Variants in DPP6 observed in about 807,000 individuals in gnomAD.
The protein encoded by DPP6 is dipeptidyl peptidase like 6.
A neutral mutation model predicts 122.6 loss-of-function variants in DPP6; 69 were observed. The ratio of observed to expected loss-of-function variants is 0.56; its 90% CI spans 0.46 to 0.69. The LOEUF (loss-of-function observed/expected upper bound fraction) is 0.69. Ranked by LOEUF, DPP6 falls within the 30% of genes least tolerant of loss-of-function variation. DPP6 has a pLI of 0.00. For missense variants in DPP6, 928 were observed against 1,116.9 expected (o/e 0.83, Z 2.41); for synonymous variants, 418 against 433.1 (o/e 0.97, Z 0.43).
At chr7:153,896,443 T>C (rs191766270) in intron 1 of DPP6, among the ~76,000 whole-genome samples, 3 of 152,318 alleles carry the variant, frequency 2.0e-5, no homozygotes, top group Admixed American at 6.5e-5. Flanking sequence ...TTCATTCTTA[T>C]AAAAATTATT....
rs1308645472 is a variant in DPP6, at chr7:154,727,856, T to A, written c.852T>A (p.Ile284=). The stretch of plus-strand genomic sequence containing the variant: ...TCTCCACTGGCAAGGAAGGTGTGAT[T>A]TACAATGGCCTCAGTGACTGGCTGT... The part of the protein sequence containing the change: ...RVVSTGKEGV[I]YNGLSDWLYE... Residue 284 remains isoleucine, a synonymous_variant, in exon 8 of 26, where the codon ATT becomes ATA. Transcript: ENST00000377770. 6.2e-7 allele frequency: 1 copy of A among 1,613,762 alleles called. No homozygotes were observed. Among genetic ancestry groups the A allele is most frequent in the Admixed American group, 1.7e-5 (1 of 60,016 alleles).
At chr7:153,853,092 T>C in the DPP6 span, among the ~76,000 whole-genome samples, 2 of 152,192 alleles carry the variant, frequency 1.3e-5, no homozygotes, top group African/African-American at 4.8e-5. Flanking sequence ...TGTTTCAGCC[T>C]AGGCACAAAA....
intron 1 of DPP6, among the ~76,000 whole-genome samples, chr7:154,071,580 C>G (rs1213381679): frequency 2.0e-5 from 3 of 152,034 alleles, no homozygotes; most frequent in Non-Finnish European, 2.9e-5. Flanking sequence ...GGGAATTAGG[C>G]GATAAGCCAG....
chr7:154,513,232 G>A (rs2129834192), intron 3 of DPP6, among the ~76,000 whole-genome samples: 1 of 152,110 alleles, frequency 6.6e-6, no homozygotes, highest in South Asian at 2.1e-4. Flanking sequence ...CCTAATTTTA[G>A]TCAACCTGAA....
At chr7:154,769,173 T>G (rs547381111) in intron 8 of DPP6, among the ~76,000 whole-genome samples, 1 of 152,324 alleles carries the variant, frequency 6.6e-6, no homozygotes, top group South Asian at 2.1e-4. Flanking sequence ...TAGCATCTGT[T>G]TGATTGAGCT....
chr7:153,772,515 A>G, the DPP6 span, among the ~76,000 whole-genome samples: 1 of 152,242 alleles, frequency 6.6e-6, no homozygotes, highest in Admixed American at 6.5e-5. Context: ...AAAATGAAAC[A>G]ATGAAAACAA....
intron 17 of DPP6, among the ~76,000 whole-genome samples, chr7:154,867,064 G>A (rs1018162881): frequency 2.6e-5 from 4 of 151,100 alleles, no homozygotes; most frequent in South Asian, 2.1e-4. Flanking sequence ...ATTTGTTTAC[G>A]CTTTAAACAA....
At chr7:153,973,712 C>G (rs544967189) in intron 1 of DPP6, among the ~76,000 whole-genome samples, 2,171 of 150,064 alleles carry the variant, frequency 0.014, 60 homozygotes, top group African/African-American at 0.05. Flanking sequence ...TCTCGTATTG[C>G]TCCAGAGAGA....
chr7:154,646,728 A>T (rs199619882), intron 6 of DPP6, among the ~76,000 whole-genome samples: 1 of 152,016 alleles, frequency 6.6e-6, no homozygotes, highest in Non-Finnish European at 1.5e-5. Flanking sequence ...AAGGGTGTGG[A>T]CTCTGCCTGT....
At chr7:153,852,548 A>G in the DPP6 span, among the ~76,000 whole-genome samples, 1 of 152,064 alleles carries the variant, frequency 6.6e-6, no homozygotes, top group African/African-American at 2.4e-5. Context: ...TCATGATTCA[A>G]TCAACTCCCA....
At chr7:153,868,061 T>A in the DPP6 span, among the ~76,000 whole-genome samples, 3 of 152,232 alleles carry the variant, frequency 2.0e-5, no homozygotes, top group African/African-American at 7.2e-5. Flanking sequence ...GCCAGTATTT[T>A]ATTGAGGATT....
intron 1 of DPP6, among the ~76,000 whole-genome samples, chr7:154,120,347 C>A (rs1158271446): frequency 6.6e-6 from 1 of 151,958 alleles, no homozygotes; most frequent in Non-Finnish European, 1.5e-5. Context: ...TGGGTTCACG[C>A]CATTCTCCTG....
At chr7:154,756,148 G>A (rs1587040696) in intron 8 of DPP6, among the ~76,000 whole-genome samples, 3 of 152,328 alleles carry the variant, frequency 2.0e-5, no homozygotes, top group African/African-American at 7.2e-5. Flanking sequence ...AACAATGAGG[G>A]TGATGAATGA....
intron 8 of DPP6, among the ~76,000 whole-genome samples, chr7:154,754,680 T>A (rs1843571172): frequency 6.6e-6 from 1 of 152,234 alleles, no homozygotes; most frequent in Non-Finnish European, 1.5e-5. Flanking sequence ...TGCACACGTA[T>A]GTTTATTGCA....
At chr7:154,194,449 T>C (rs918305788) in intron 1 of DPP6, among the ~76,000 whole-genome samples, 5 of 152,220 alleles carry the variant, frequency 3.3e-5, no homozygotes, top group African/African-American at 1.2e-4. Flanking sequence ...CTTTGGTGTA[T>C]GTATACATCC....
chr7:154,321,536 A>C (rs1463743087), intron 1 of DPP6, among the ~76,000 whole-genome samples: 1 of 151,714 alleles, frequency 6.6e-6, no homozygotes, highest in Non-Finnish European at 1.5e-5. Context: ...TAATCCCAGC[A>C]CCTTTGGGAG....
intron 1 of DPP6, among the ~76,000 whole-genome samples, chr7:154,327,755 C>G (rs2151030921): frequency 6.6e-6 from 1 of 152,274 alleles, no homozygotes; most frequent in East Asian, 1.9e-4. Flanking sequence ...GGGACACATT[C>G]TTTCCTCTAT....
chr7:153,796,916 G>GA, the DPP6 span, among the ~76,000 whole-genome samples: 7 of 152,338 alleles, frequency 4.6e-5, no homozygotes, highest in East Asian at 1.3e-3. Context: ...GAGTTGAAGA[G>GA]ATGCCACCTT....
chr7:154,578,142 G>A (rs1477447047), intron 5 of DPP6, among the ~76,000 whole-genome samples: 3 of 152,166 alleles, frequency 2.0e-5, no homozygotes, highest in Non-Finnish European at 4.4e-5. Flanking sequence ...CTTGAAACAG[G>A]TTAGGACATG....
Sources: gnomAD v4.1 joint callset for allele counts (sites outside exome capture counted in the v4.1 genomes callset) on GRCh38, gnomAD v4.1.1 for gene constraint, MANE v1.5 for transcripts, NCBI Gene and HGNC (gene_info 2026-07-23, HGNC 2026-07-21) for gene names.